Variants in AKAP1 observed in about 807,000 individuals in gnomAD.
AKAP1 encodes the protein A-kinase anchor protein 1, mitochondrial.
In AKAP1, 32 loss-of-function variants were observed where a neutral mutation model predicts 79.8. The ratio of observed to expected loss-of-function variants is 0.40; its 90% CI spans 0.30 to 0.54. The LOEUF (loss-of-function observed/expected upper bound fraction) is 0.54. Among genes scored for constraint, AKAP1 ranks in the 20% least tolerant of loss-of-function variants. The pLI is 0.47. For missense variants in AKAP1, 961 were observed against 1,138.9 expected (o/e 0.84, Z 2.25); for synonymous variants, 416 against 466.7 (o/e 0.89, Z 1.40).
chr17:57,095,994 C>G (rs529642060), intron 1 of AKAP1: 1 of 152,066 alleles, frequency 6.6e-6, no homozygotes, highest in Non-Finnish European at 1.5e-5. Context: ...TTTTAAAATC[C>G]ACACCCCTAC....
At chr17:57,114,182 G>A (rs1005631377) in intron 5 of AKAP1, among the ~76,000 whole-genome samples, 2 of 152,162 alleles carry the variant, frequency 1.3e-5, no homozygotes, top group African/African-American at 4.8e-5. Flanking sequence ...GTTGCTTCTT[G>A]GTTGCCCAGT....
In AKAP1 at chr17:57,106,129, G is replaced by A. The variant is rs368171070; in HGVS notation, c.665G>A (p.Arg222Gln). 20 of 1,608,334 alleles carry A rather than the reference G, an allele frequency of 1.2e-5. No individual in the cohort carries two copies. Among genetic ancestry groups the A allele is most frequent in the South Asian group, 5.5e-5 (5 of 90,678 alleles). ...GTGCTTGAAGAAGCTCTGTTGTCTC[G>A]GGAGCATGTCTTGGAATTGGAGAAC... is the stretch of plus-strand genomic sequence containing the variant. ...EKVLEEALLS[R>Q]EHVLELENSK... is the part of the protein sequence containing the mutation. Residue 222 changes from arginine to glutamine, a missense_variant, in exon 2 of 11, where the codon CGG becomes CAG. Transcript: ENST00000337714.
chr17:57,108,490 C>T (rs1419460379), intron 2 of AKAP1, among the ~76,000 whole-genome samples: 1 of 152,152 alleles, frequency 6.6e-6, no homozygotes, highest in African/African-American at 2.4e-5. Context: ...TAACAAGCCC[C>T]GCAGCCTTGT....
chr17:57,107,161 A>G lies in AKAP1; in HGVS notation c.1697A>G (p.Glu566Gly). The change falls in exon 2 of 11, where the codon GAA (glutamate) becomes GGA (glycine). Residue 566 changes from glutamate (E) to glycine (G), a missense_variant. Around this residue, in one of 3 missense-constraint regions of AKAP1, gnomAD observed 629 missense variants for 781.1 expected, o/e 0.81. Transcript: ENST00000337714. ...GAEDGWTMDAEADHSGGSDRN... is the reference protein window; with the variant it reads ...GAEDGWTMDAGADHSGGSDRN... The stretch of plus-strand genomic sequence containing the variant: ...GAGGATGGATGGACCATGGATGCGG[A>G]AGCAGATCATTCAGGAGGTAGGAGG... 1 of 1,606,864 alleles carries G rather than the reference A, an allele frequency of 6.2e-7. No homozygotes were observed. Among genetic ancestry groups the G allele is most frequent in the South Asian group, 1.1e-5 (1 of 90,638 alleles).
intron 8 of AKAP1, 74 bp downstream of exon 8, chr17:57,117,001 G>T: frequency 7.3e-7 from 1 of 1,377,536 alleles, no homozygotes; most frequent in Non-Finnish European, 1.0e-6. Context: ...CAGAGCCTCC[G>T]TTCTCACCTG....
chr17:57,086,183 G>C lies in AKAP1; in HGVS notation c.-25+785G>C. ...TGGGGTGTCTGCCGACCTCACGCCC[G>C]GGGGCCCCGACGGTCACGTGTCCGG... On this transcript the variant is annotated intron_variant, in intron 1 of 10. Coordinates refer to ENST00000337714, the MANE Select transcript of AKAP1 (RefSeq NM_003488.4). The surrounding 1 kb of genome is among the most constrained non-coding windows in gnomAD (Gnocchi z 5.1). 2 of 317,714 alleles carry C rather than the reference G, an allele frequency of 6.3e-6. No individual in the cohort carries two copies. The highest frequency in any genetic ancestry group is 1.2e-5 in the Non-Finnish European group (2 of 161,588). The allele number at this position is 317,714 out of a possible 1,614,324, so 19.7% of individuals were successfully genotyped here.
At chr17:57,101,223 C>A (rs1914487966) in intron 1 of AKAP1, among the ~76,000 whole-genome samples, 3 of 152,152 alleles carry the variant, frequency 2.0e-5, no homozygotes, top group African/African-American at 7.2e-5. Flanking sequence ...TTTCTTCCCC[C>A]CAGGATGGGG....
intron 1 of AKAP1, chr17:57,096,562 G>GA (rs1291219009): frequency 2.6e-5 from 4 of 152,410 alleles, no homozygotes; most frequent in African/African-American, 9.6e-5. Flanking sequence ...GTACCCACAT[G>GA]AAGTCATAGC....
chr17:57,111,135 C>T (rs1370375404), intron 3 of AKAP1, among the ~76,000 whole-genome samples: 3 of 152,146 alleles, frequency 2.0e-5, no homozygotes, highest in East Asian at 1.9e-4. Flanking sequence ...TGGACCATGT[C>T]CCCAGTAGCT....
Position 57,110,037 on chromosome 17 carries a change from A to G in AKAP1, c.1727A>G (p.Asn576Ser). 1 of 1,614,048 alleles carries G rather than the reference A, an allele frequency of 6.2e-7. No individual in the cohort carries two copies. Among genetic ancestry groups the G allele is most frequent in the Non-Finnish European group, 8.5e-7 (1 of 1,179,968 alleles). Reference protein sequence around the residue: ...EADHSGGSDRNSMDSVDSCCS... With the variant: ...EADHSGGSDRSSMDSVDSCCS... The stretch of plus-strand genomic sequence containing the variant: ...TCTTCCCCTGCAGGTTCTGACAGGA[A>G]CAGCATGGATTCCGTGGATAGCTGT... The change falls in exon 3 of 11, where the codon AAC becomes AGC. Residue 576 changes from asparagine to serine, a missense_variant. Physicochemically the swap from Asn to Ser is conservative, Grantham distance 46. This residue lies in a region of AKAP1 where 629 missense variants were observed against 781.1 expected (regional missense o/e 0.81). Transcript: ENST00000337714.
chr17:57,116,691 C>T (rs899755677), intron 7 of AKAP1, among the ~76,000 whole-genome samples, 169 bp from the exon 8 acceptor site: 1 of 152,152 alleles, frequency 6.6e-6, no homozygotes, highest in Non-Finnish European at 1.5e-5. Context: ...GCAGCAGGGT[C>T]GGCTGGCTGT....
intron 1 of AKAP1, among the ~76,000 whole-genome samples, chr17:57,090,615 T>G (rs947852933): frequency 2.0e-5 from 3 of 152,240 alleles, no homozygotes; most frequent in Admixed American, 6.5e-5. Flanking sequence ...GAGTCTGACT[T>G]AAGTGTGTTC....
intron 4 of AKAP1, 139 bp from the exon 5 acceptor site, chr17:57,112,352 A>T: frequency 2.0e-6 from 2 of 988,572 alleles, no homozygotes; most frequent in Non-Finnish European, 3.0e-6. Flanking sequence ...AGCAGAGCTT[A>T]AGTGTTTTGT....
At chr17:57,090,211 C>G (rs1913697971) in intron 1 of AKAP1, among the ~76,000 whole-genome samples, 1 of 152,138 alleles carries the variant, frequency 6.6e-6, no homozygotes, top group South Asian at 2.1e-4. Flanking sequence ...TTTGTTTGAA[C>G]CCTGCTAGAT....
At chr17:57,085,636 C>G (rs1226531044) in intron 1 of AKAP1, 1 of 152,386 alleles carries the variant, frequency 6.6e-6, no homozygotes, top group Non-Finnish European at 1.5e-5. Context: ...CGCCGGTTGT[C>G]TGCCCGCGGG....
intron 1 of AKAP1, chr17:57,093,869 G>A (rs1913930973): frequency 6.8e-6 from 1 of 147,154 alleles, no homozygotes; most frequent in African/African-American, 2.5e-5. Context: ...TTTTTCTGCT[G>A]TGGGAGATAG....
At chr17:57,103,149 A>G (rs1488386608) in intron 1 of AKAP1, among the ~76,000 whole-genome samples, 1 of 152,242 alleles carries the variant, frequency 6.6e-6, no homozygotes, top group Non-Finnish European at 1.5e-5. Flanking sequence ...TGAGGAATTG[A>G]TGTAAAGCCT....
chr17:57,091,651 C>T (rs1913791923), intron 1 of AKAP1, among the ~76,000 whole-genome samples: 1 of 151,982 alleles, frequency 6.6e-6, no homozygotes, highest in South Asian at 2.1e-4. Flanking sequence ...GGCAATTTTT[C>T]AGGAAACCAC....
At chr17:57,099,201 A>C (rs1276975542) in intron 1 of AKAP1, among the ~76,000 whole-genome samples, 1 of 152,120 alleles carries the variant, frequency 6.6e-6, no homozygotes. Flanking sequence ...TTCTTGTTGG[A>C]GGATGGTTCA....
Sources: gnomAD v4.1 joint callset for allele counts (sites outside exome capture counted in the v4.1 genomes callset) on GRCh38, gnomAD v4.1.1 for gene constraint, gnomAD v4.1.1 regional missense constraint, Gnocchi (gnomAD v3.1) non-coding constraint, MANE v1.5 for transcripts, NCBI Gene and HGNC (gene_info 2026-07-23, HGNC 2026-07-21) for gene names.